Variants in NKAIN2 observed in about 807,000 individuals in gnomAD.
The protein encoded by NKAIN2 is sodium/potassium-transporting ATPase subunit beta-1-interacting protein 2.
NKAIN2 carries 14 observed loss-of-function variants against 32.6 expected under a neutral mutation model. The ratio of observed to expected loss-of-function variants is 0.43; its 90% CI spans 0.28 to 0.67. The LOEUF is 0.67. Ranked by LOEUF, NKAIN2 falls within the 30% of genes least tolerant of loss-of-function variation. The probability of loss-of-function intolerance (pLI) is 0.17; values close to 1 mark genes in which losing one functional copy is unlikely to be tolerated. For synonymous variants in NKAIN2, 80 were observed against 87.2 expected (o/e 0.92, Z 0.46); for missense variants, 198 against 258.3 (o/e 0.77, Z 1.60).
intron 1 of NKAIN2, among the ~76,000 whole-genome samples, chr6:123,980,971 G>A (rs183370879): frequency 1.3e-5 from 2 of 151,836 alleles, no homozygotes; most frequent in Non-Finnish European, 2.9e-5. Context: ...CCAGGTTCAA[G>A]CTATTCCCCT....
chr6:124,229,629 TG>T (rs1792340730), intron 1 of NKAIN2, among the ~76,000 whole-genome samples: 1 of 152,150 alleles, frequency 6.6e-6, no homozygotes, highest in Non-Finnish European at 1.5e-5. Flanking sequence ...CCATATGTTG[TG>T]GCAGGGACCT....
chr6:124,374,319 T>A (rs1311845145), intron 3 of NKAIN2, among the ~76,000 whole-genome samples: 3 of 150,490 alleles, frequency 2.0e-5, no homozygotes, highest in African/African-American at 7.3e-5. Context: ...AAAAAAAAAA[T>A]GGAAAAGTGT....
chr6:124,062,904 G>A (rs774682561), intron 1 of NKAIN2, among the ~76,000 whole-genome samples: 30 of 152,028 alleles, frequency 2.0e-4, no homozygotes, highest in East Asian at 3.9e-4. Context: ...AAGATATTTG[G>A]TATTATCAGG....
chr6:123,938,447 TATATAC>T (rs1359387345), intron 1 of NKAIN2, among the ~76,000 whole-genome samples: 1 of 55,812 alleles, frequency 1.8e-5, no homozygotes, highest in Non-Finnish European at 3.1e-5. Flanking sequence ...TATATATATA[TATATAC>T]ACACACACAC....
chr6:124,742,656 C>T (rs190276056), intron 4 of NKAIN2, among the ~76,000 whole-genome samples: 10 of 151,878 alleles, frequency 6.6e-5, no homozygotes, highest in Admixed American at 3.9e-4. Flanking sequence ...CAATACAAGT[C>T]GACTGCCTTA....
intron 1 of NKAIN2, among the ~76,000 whole-genome samples, chr6:123,838,394 A>G (rs1366039365): frequency 1.3e-5 from 2 of 152,144 alleles, no homozygotes; most frequent in African/African-American, 2.4e-5. Flanking sequence ...TTATATAATA[A>G]TGAGTGTCCT....
At position 124,739,303 on chromosome 6, in the gene NKAIN2, C is replaced by G. The variant is rs1037203158; in HGVS notation, c.475-52036C>G. On this transcript the variant is annotated intron_variant, in intron 4 of 6. Coordinates refer to ENST00000368417, the MANE Select transcript of NKAIN2 (RefSeq NM_001040214.3). Reference sequence around the variant, plus strand: ...AAAATGTATAAAAACACATCTTCACCTTTCCAGATTTTGATTCTTGAAGCA... The same window carrying G: ...AAAATGTATAAAAACACATCTTCACGTTTCCAGATTTTGATTCTTGAAGCA... 2.0e-5 allele frequency among the ~76,000 whole-genome samples: 3 copies of G among 151,852 alleles called. 1 individual carries two copies. The highest frequency in any genetic ancestry group is 7.2e-5 in the African/African-American group (3 of 41,398).
chr6:124,240,027 A>T lies in NKAIN2; in HGVS notation c.55-42978A>T, dbSNP rs888740462. Among the ~76,000 whole-genome samples the T allele has an allele frequency of 3.3e-5, 5 of 152,152 alleles. No homozygotes were observed. The East Asian group carries it at 9.6e-4, about 29-fold the overall frequency. ...ACTAATAAAGAAGAAAAGAAAGAAG[A>T]ATCAAATAGGCACAATAAAAAATGA... On this transcript the variant is annotated intron_variant, in intron 1 of 6. Coordinates refer to ENST00000368417, the MANE Select transcript of NKAIN2 (RefSeq NM_001040214.3).
chr6:123,996,502 A>G (rs899801754), intron 1 of NKAIN2, among the ~76,000 whole-genome samples: 3 of 152,104 alleles, frequency 2.0e-5, no homozygotes, highest in Admixed American at 6.5e-5. Context: ...AAACTACAAA[A>G]AGGAGCTCAT....
intron 1 of NKAIN2, among the ~76,000 whole-genome samples, chr6:123,809,403 A>G (rs982727620): frequency 2.0e-5 from 3 of 152,156 alleles, no homozygotes; most frequent in Admixed American, 6.5e-5. Flanking sequence ...GGATGGAAAT[A>G]AAATTATATG....
intron 1 of NKAIN2, among the ~76,000 whole-genome samples, chr6:124,027,446 A>G (rs2114775912): frequency 6.6e-6 from 1 of 152,182 alleles, no homozygotes; most frequent in East Asian, 1.9e-4. Context: ...CGCCCAGCCA[A>G]TTATCACTCA....
At chr6:124,239,160 CA>C (rs1479857481) in intron 1 of NKAIN2, among the ~76,000 whole-genome samples, 1 of 152,046 alleles carries the variant, frequency 6.6e-6, no homozygotes, top group Non-Finnish European at 1.5e-5. Flanking sequence ...AAAGGAAGGG[CA>C]TTACATAATG....
chr6:124,692,024 G>A (rs1774281108), intron 4 of NKAIN2, among the ~76,000 whole-genome samples: 2 of 152,052 alleles, frequency 1.3e-5, no homozygotes, highest in African/African-American at 4.8e-5. Flanking sequence ...TATAAAATGC[G>A]ATATTCGAAT....
At chr6:124,010,103 T>C (rs1780257202) in intron 1 of NKAIN2, among the ~76,000 whole-genome samples, 1 of 152,166 alleles carries the variant, frequency 6.6e-6, no homozygotes, top group Admixed American at 6.6e-5. Context: ...TCCTTTAAAA[T>C]TTTAAGGAAG....
chr6:124,779,837 G>T (rs1278551199), intron 4 of NKAIN2, among the ~76,000 whole-genome samples: 1 of 152,132 alleles, frequency 6.6e-6, no homozygotes, highest in African/African-American at 2.4e-5. Flanking sequence ...ACCAAATTCA[G>T]CAGAAGAACT....
chr6:124,335,119 T>G (rs965245970), intron 2 of NKAIN2, among the ~76,000 whole-genome samples: 1 of 133,744 alleles, frequency 7.5e-6, no homozygotes, highest in African/African-American at 3.4e-5. Context: ...GTCACTTGTG[T>G]AGGCAGAAAA....
chr6:124,278,990 C>T (rs1290119052), intron 1 of NKAIN2, among the ~76,000 whole-genome samples: 1 of 152,026 alleles, frequency 6.6e-6, no homozygotes, highest in Non-Finnish European at 1.5e-5. Flanking sequence ...TGACACATCA[C>T]TAAGTGAGAA....
At chr6:124,211,038 C>T (rs1791147814) in intron 1 of NKAIN2, among the ~76,000 whole-genome samples, 2 of 150,204 alleles carry the variant, frequency 1.3e-5, no homozygotes, top group Admixed American at 1.3e-4. Flanking sequence ...GAAAGGCTTT[C>T]AATTTTTCAT....
intron 3 of NKAIN2, among the ~76,000 whole-genome samples, chr6:124,361,219 G>A (rs990705953): frequency 1.3e-5 from 2 of 152,040 alleles, no homozygotes; most frequent in African/African-American, 4.8e-5. Flanking sequence ...TTTTTGAATA[G>A]TAATACAAAG....
Sources: gnomAD v4.1 joint callset for allele counts (sites outside exome capture counted in the v4.1 genomes callset) on GRCh38, gnomAD v4.1.1 for gene constraint, MANE v1.5 for transcripts, NCBI Gene and HGNC (gene_info 2026-07-23, HGNC 2026-07-21) for gene names.